The following KIF26B variants were observed in gnomAD, a reference collection of about 807,000 sequenced individuals.
KIF26B encodes the protein kinesin-like protein KIF26B.
Under a neutral mutation model 151.2 loss-of-function variants are expected in KIF26B, and 63 were observed. That is an observed-to-expected ratio of 0.42 (90% CI 0.34 to 0.51). KIF26B has a LOEUF of 0.51. KIF26B is among the 20% of genes least tolerant of loss of function. KIF26B has a pLI of 0.07. For synonymous variants in KIF26B, 1,357 were observed against 1,262.1 expected (o/e 1.08, Z -1.59); for missense variants, 2,813 against 2,913.6 (o/e 0.97, Z 0.79).
At chr1:245,339,022 G>C (rs1274290928) in intron 2 of KIF26B, among the ~76,000 whole-genome samples, 7 of 150,336 alleles carry the variant, frequency 4.7e-5, no homozygotes, top group Admixed American at 4.0e-4. Flanking sequence ...GCTCTGTCCA[G>C]GTTGGAGTGC....
intron 4 of KIF26B, among the ~76,000 whole-genome samples, chr1:245,444,644 G>A (rs1659206899): frequency 6.6e-6 from 1 of 152,246 alleles, no homozygotes; most frequent in Non-Finnish European, 1.5e-5. Context: ...AAGTCAGCAT[G>A]AAACAGAAGC....
chr1:245,217,945 G>A (rs1326808114), intron 2 of KIF26B, among the ~76,000 whole-genome samples: 1 of 152,198 alleles, frequency 6.6e-6, no homozygotes, highest in African/African-American at 2.4e-5. Flanking sequence ...CAGAAGCACC[G>A]AGAGAATAAA....
At chr1:245,192,261 G>A (rs1669122936) in intron 2 of KIF26B, among the ~76,000 whole-genome samples, 1 of 151,614 alleles carries the variant, frequency 6.6e-6, no homozygotes, top group Non-Finnish European at 1.5e-5. Flanking sequence ...ACGTGCTCAT[G>A]ATATAATTAA....
chr1:245,611,886 G>A lies in KIF26B; in HGVS notation c.2008G>A (p.Asp670Asn), dbSNP rs1572157361. ...TGCCTCCCGCAGGAGCCACCAACAG[G>A]ACTGTGATGAGGACGACCACCGCAA... ...AIASRRSHQQ[D>N]CDEDDHRNSH... Residue 670 changes from aspartate (D) to asparagine (N), a missense_variant, in exon 9 of 15, where the codon GAC (aspartate) becomes AAC (asparagine). Transcript: ENST00000407071. The A allele has an allele frequency of 6.2e-7, 1 of 1,613,208 alleles. No homozygotes were observed. The highest frequency in any genetic ancestry group is 8.5e-7 in the Non-Finnish European group (1 of 1,179,710).
In KIF26B at chr1:245,706,460, G is replaced by A. The variant is rs1302070197; in HGVS notation, c.*3854G>A. On this transcript the variant is annotated 3_prime_UTR_variant, in exon 15 of 15. Coordinates refer to ENST00000407071, the MANE Select transcript of KIF26B (RefSeq NM_018012.4). Reference sequence around the variant, plus strand: ...ATATTGAGTGTTTTTAGGTTTTTTAGGTTTCTTATTCCAAAAAGGATTTTA... The same window carrying A: ...ATATTGAGTGTTTTTAGGTTTTTTAAGTTTCTTATTCCAAAAAGGATTTTA... 6.6e-6 allele frequency: 1 copy of A among 152,080 alleles called. No individual in the cohort carries two copies. Among genetic ancestry groups the A allele is most frequent in the East Asian group, 1.9e-4 (1 of 5,198 alleles). The allele number at this position is 152,080 out of a possible 1,614,324, so 9.4% of individuals were successfully genotyped here. A position where few individuals can be genotyped will look rare whatever the true frequency, so the allele number is the denominator to read the frequency against.
At chr1:245,345,710 T>C (rs1672440032) in intron 2 of KIF26B, among the ~76,000 whole-genome samples, 1 of 151,996 alleles carries the variant, frequency 6.6e-6, no homozygotes, top group African/African-American at 2.4e-5. Flanking sequence ...GATCTGGTTG[T>C]TTACAAGTGT....
chr1:245,444,114 C>T (rs879724340), intron 4 of KIF26B, among the ~76,000 whole-genome samples: 1 of 83,128 alleles, frequency 1.2e-5, no homozygotes, highest in African/African-American at 3.2e-5. Context: ...CACTGTTCAC[C>T]TAGAGCGGTC....
rs369707533 is a variant in KIF26B at position 245,698,957 on chromosome 1, C to G, written c.6098C>G (p.Ala2033Gly). Residue 2033 changes from alanine to glycine, a missense_variant, in exon 14 of 15, where the codon GCG becomes GGG. Coordinates refer to ENST00000407071, the MANE Select transcript of KIF26B (RefSeq NM_018012.4). This position sits in a 1 kb window ranked among gnomAD's most constrained non-coding sequence, Gnocchi z 4.0. Reference sequence around the variant, plus strand: ...CAGCAGAGGATCGCCGAGGTCCGCGCGAAGTACGAGTGGCTGATGAAGGAG... The same window carrying G: ...CAGCAGAGGATCGCCGAGGTCCGCGGGAAGTACGAGTGGCTGATGAAGGAG... ...HRQQRIAEVRAKYEWLMKELE... is the reference protein window; with the variant it reads ...HRQQRIAEVRGKYEWLMKELE... 1 of 1,614,006 alleles carries G rather than the reference C, an allele frequency of 6.2e-7. No individual in the cohort carries two copies. The highest frequency in any genetic ancestry group is 1.1e-5 in the South Asian group (1 of 91,076).
At chr1:245,694,910 G>A (rs1392811285) in intron 12 of KIF26B, among the ~76,000 whole-genome samples, 1 of 152,202 alleles carries the variant, frequency 6.6e-6, no homozygotes, top group East Asian at 1.9e-4. Context: ...AGCAGGGAGG[G>A]GTTGAAAAGC....
intron 2 of KIF26B, among the ~76,000 whole-genome samples, chr1:245,284,593 C>T (rs776852860): frequency 6.6e-6 from 1 of 152,134 alleles, no homozygotes; most frequent in Non-Finnish European, 1.5e-5. Context: ...GTGTGTTGAC[C>T]TTTGGGGAAT....
chr1:245,438,736 G>A lies in KIF26B; in HGVS notation c.1166+18991G>A, dbSNP rs1658992919. Among the ~76,000 whole-genome samples the A allele has an allele frequency of 3.3e-5, 5 of 152,164 alleles. No individual in the cohort carries two copies. The South Asian group carries it at 8.3e-4, about 25-fold the overall frequency. On this transcript the variant is annotated intron_variant, in intron 4 of 14. Coordinates refer to ENST00000407071, the MANE Select transcript of KIF26B (RefSeq NM_018012.4). ...CAGAATCCTCAAACGATTGCTACAC[G>A]CAACATGACTGAATCTCAAATAATG... is the stretch of plus-strand genomic sequence containing the variant.
intron 5 of KIF26B, among the ~76,000 whole-genome samples, chr1:245,542,491 G>A (rs1343793006): frequency 6.6e-6 from 1 of 152,234 alleles, no homozygotes; most frequent in Non-Finnish European, 1.5e-5. Context: ...ACCCAAGGAG[G>A]CAGGGAAGTG....
At position 245,702,675 on chromosome 1, in the gene KIF26B, C is replaced by T; in HGVS notation, c.*69C>T. On this transcript the variant is annotated 3_prime_UTR_variant, in exon 15 of 15. Transcript: ENST00000407071. The surrounding 1 kb of genome is among the most constrained non-coding windows in gnomAD (Gnocchi z 4.1). ...TTCAGAGATGTTGCACGCCCCTAGG[C>T]CCTCTGTGCTGGGGCATCAAAGACA... is the stretch of plus-strand genomic sequence containing the variant. 2 of 1,523,324 alleles carry T rather than the reference C, an allele frequency of 1.3e-6. No individual in the cohort carries two copies. Among genetic ancestry groups the T allele is most frequent in the Non-Finnish European group, 1.8e-6 (2 of 1,121,148 alleles). 94.4% of individuals were successfully genotyped at this position (1,523,324 alleles called of 1,614,324 possible).
At chr1:245,230,876 A>G (rs1669981768) in intron 2 of KIF26B, among the ~76,000 whole-genome samples, 1 of 152,204 alleles carries the variant, frequency 6.6e-6, no homozygotes, top group African/African-American at 2.4e-5. Flanking sequence ...ACAAGCATTT[A>G]AAGAAATGAA....
At chr1:245,426,749 G>A (rs1011371472) in intron 4 of KIF26B, among the ~76,000 whole-genome samples, 3 of 152,326 alleles carry the variant, frequency 2.0e-5, no homozygotes, top group Admixed American at 6.5e-5. Context: ...TCAGGACCAC[G>A]TGGCTTCTCT....
At chr1:245,511,299 T>C (rs1389334762) in intron 4 of KIF26B, among the ~76,000 whole-genome samples, 1 of 152,182 alleles carries the variant, frequency 6.6e-6, no homozygotes, top group Non-Finnish European at 1.5e-5. Context: ...TCTTGTTCAA[T>C]GGACTTGCAG....
At chr1:245,613,885 A>G (rs1403652100) in intron 9 of KIF26B, among the ~76,000 whole-genome samples, 2 of 152,260 alleles carry the variant, frequency 1.3e-5, no homozygotes, top group East Asian at 3.9e-4. Context: ...GCCAATCTAT[A>G]CAGTCATGTA....
intron 10 of KIF26B, among the ~76,000 whole-genome samples, chr1:245,653,727 A>G (rs2044044304): frequency 6.6e-6 from 1 of 152,158 alleles, no homozygotes; most frequent in African/African-American, 2.4e-5. Context: ...CAGAGGATCA[A>G]ACATACCAGC....
intron 2 of KIF26B, among the ~76,000 whole-genome samples, chr1:245,187,725 G>A (rs1199780379): frequency 2.6e-5 from 4 of 152,174 alleles, no homozygotes; most frequent in Non-Finnish European, 4.4e-5. Context: ...TGTTGGAGAG[G>A]GGGAGGTTGA....
Sources: allele counts gnomAD v4.1 joint callset (sites outside exome capture counted in the v4.1 genomes callset), GRCh38; gene constraint gnomAD v4.1.1; non-coding constraint Gnocchi (gnomAD v3.1); transcripts MANE v1.5; gene names NCBI Gene and HGNC (gene_info 2026-07-23, HGNC 2026-07-21).